PLXNA4: variants seen among roughly 807,000 people sequenced by gnomAD.
PLXNA4 encodes plexin A4.
A neutral mutation model predicts 191.8 loss-of-function variants in PLXNA4; 44 were observed. The ratio of observed to expected loss-of-function variants is 0.23; its 90% CI spans 0.18 to 0.29. The LOEUF (loss-of-function observed/expected upper bound fraction) is 0.29. Ranked by LOEUF, PLXNA4 falls within the 10% of genes least tolerant of loss-of-function variation. The pLI is 1.00. For synonymous variants in PLXNA4, 1,082 were observed against 1,009.5 expected (o/e 1.07, Z -1.36); for missense variants, 1,800 against 2,488.8 (o/e 0.72, Z 5.89).
upstream of PLXNA4, among the ~76,000 whole-genome samples, chr7:132,580,060 T>C (rs1802373661): frequency 6.6e-6 from 1 of 152,108 alleles, no homozygotes; most frequent in Non-Finnish European, 1.5e-5. Flanking sequence ...ACCTCATCTC[T>C]CACCTGACAC....
At chr7:132,515,193 A>C (rs892519355) in intron 1 of PLXNA4, among the ~76,000 whole-genome samples, 1 of 152,198 alleles carries the variant, frequency 6.6e-6, no homozygotes, top group African/African-American at 2.4e-5. Flanking sequence ...CGCTAGTGCC[A>C]TCTTGTAATC....
In PLXNA4 at chr7:132,227,069, C is replaced by G. The variant is rs528162641; in HGVS notation, c.1882+382G>C. Among the ~76,000 whole-genome samples the G allele has an allele frequency of 1.9e-4, 29 of 152,266 alleles. No homozygotes were observed. The East Asian group carries it at 4.7e-3, about 24-fold the overall frequency. The stretch of plus-strand genomic sequence containing the variant: ...GCAGTGGTCCAGGGTCAGAGATCGG[C>G]CATGTGAGCATCCCTGCTCCAGCTC... On this transcript the variant is annotated intron_variant, in intron 7 of 31. Transcript: ENST00000321063.
intron 3 of PLXNA4, among the ~76,000 whole-genome samples, chr7:132,423,199 T>G (rs1442895753): frequency 6.6e-6 from 1 of 152,260 alleles, no homozygotes; most frequent in Non-Finnish European, 1.5e-5. Context: ...TTCCCAGCAC[T>G]GTGCTGGGTA....
chr7:132,585,185 A>C (rs1190626973), intron 2 of PLXNA4, among the ~76,000 whole-genome samples: 2 of 152,208 alleles, frequency 1.3e-5, no homozygotes, highest in African/African-American at 2.4e-5. Context: ...GGGATGCTCC[A>C]GCACCTCCTT....
At chr7:132,466,371 G>A (rs2117388275) in intron 3 of PLXNA4, among the ~76,000 whole-genome samples, 1 of 152,304 alleles carries the variant, frequency 6.6e-6, no homozygotes, top group Non-Finnish European at 1.5e-5. Context: ...TGCCTCCAGA[G>A]CCTGAGACAT....
intron 31 of PLXNA4, 38 bp from the exon 32 acceptor site, chr7:132,130,612 T>G: frequency 6.2e-7 from 1 of 1,613,620 alleles, no homozygotes; most frequent in Non-Finnish European, 8.5e-7. Context: ...TACTCATTTG[T>G]GTGTACAGGT....
At chr7:132,160,683 C>T (rs946204393) in intron 24 of PLXNA4, among the ~76,000 whole-genome samples, 48 of 152,246 alleles carry the variant, frequency 3.2e-4, no homozygotes, top group African/African-American at 1.1e-3. Flanking sequence ...GGCCCTGCTG[C>T]CAGAGAGCCC....
chr7:132,160,551 G>A (rs954528496), intron 24 of PLXNA4, among the ~76,000 whole-genome samples: 7 of 152,186 alleles, frequency 4.6e-5, no homozygotes, highest in South Asian at 2.1e-4. Flanking sequence ...GGAGGGGAAC[G>A]GGGTGGGTGC....
At chr7:132,302,114 C>CG (rs1801330156) in intron 3 of PLXNA4, among the ~76,000 whole-genome samples, 1 of 152,066 alleles carries the variant, frequency 6.6e-6, no homozygotes, top group Non-Finnish European at 1.5e-5. Flanking sequence ...GCAGTTTGGC[C>CG]ATGGAGAGAG....
intron 3 of PLXNA4, among the ~76,000 whole-genome samples, chr7:132,472,647 G>A (rs141118282): frequency 9.1e-4 from 139 of 152,306 alleles, no homozygotes; most frequent in African/African-American, 3.0e-3. Flanking sequence ...ATTTAGCACC[G>A]ATGATCTCAT....
At chr7:132,229,503 T>C (rs1439021180) in intron 5 of PLXNA4, among the ~76,000 whole-genome samples, 3 of 152,190 alleles carry the variant, frequency 2.0e-5, no homozygotes, top group Non-Finnish European at 4.4e-5. Context: ...ATTTGGAAAC[T>C]CTGGACTACA....
intron 2 of PLXNA4, among the ~76,000 whole-genome samples, chr7:132,494,585 T>TGTG (rs1385324238): frequency 6.6e-6 from 1 of 152,006 alleles, no homozygotes; most frequent in South Asian, 2.1e-4. Context: ...TGCCACGCAG[T>TGTG]GTGGTGGTGG....
intron 1 of PLXNA4, among the ~76,000 whole-genome samples, chr7:132,509,973 A>G: frequency 6.6e-6 from 1 of 152,206 alleles, no homozygotes; most frequent in Middle Eastern, 3.2e-3. Context: ...AAAGGGAGAG[A>G]AAAAATGCTT....
intron 3 of PLXNA4, among the ~76,000 whole-genome samples, chr7:132,362,870 A>T (rs539594261): frequency 6.6e-6 from 1 of 152,374 alleles, no homozygotes; most frequent in East Asian, 1.9e-4. Flanking sequence ...TTATTGTAGT[A>T]AAGTATACAT....
chr7:132,194,709 G>C (rs893910352), intron 13 of PLXNA4, among the ~76,000 whole-genome samples: 1 of 152,150 alleles, frequency 6.6e-6, no homozygotes, highest in Non-Finnish European at 1.5e-5. Flanking sequence ...GTGTGTGTGT[G>C]TATGTGTGTG....
chr7:132,298,365 G>T, intron 3 of PLXNA4, 143 bp from the exon 4 acceptor site: 1 of 1,158,914 alleles, frequency 8.6e-7, no homozygotes, highest in Non-Finnish European at 1.2e-6. Context: ...GCCAAGGAGT[G>T]GAGTGACATA....
intron 2 of PLXNA4, among the ~76,000 whole-genome samples, chr7:132,642,143 T>C (rs930522220): frequency 1.3e-5 from 2 of 152,210 alleles, no homozygotes; most frequent in African/African-American, 4.8e-5. Context: ...TTTTTAATGA[T>C]TTATTTGTTC....
At chr7:132,592,065 C>G (rs920182133) in intron 2 of PLXNA4, among the ~76,000 whole-genome samples, 56 of 152,158 alleles carry the variant, frequency 3.7e-4, no homozygotes, top group African/African-American at 1.4e-3. Flanking sequence ...GAGAGGTGAC[C>G]CGCCAGCTCA....
intron 9 of PLXNA4, among the ~76,000 whole-genome samples, chr7:132,212,810 C>T (rs1417359639): frequency 6.6e-6 from 1 of 152,156 alleles, no homozygotes; most frequent in Admixed American, 6.5e-5. Context: ...GCCCATTAAA[C>T]TAATCCCTCC....
Sources: gnomAD v4.1 joint callset for allele counts (sites outside exome capture counted in the v4.1 genomes callset) on GRCh38, gnomAD v4.1.1 for gene constraint, MANE v1.5 for transcripts, NCBI Gene and HGNC (gene_info 2026-07-23, HGNC 2026-07-21) for gene names.